CLTCL1: variants seen among roughly 807,000 people sequenced by gnomAD.
CLTCL1 encodes clathrin heavy chain like 1.
In CLTCL1, 159 loss-of-function variants were observed where a neutral mutation model predicts 190.0. The observed-to-expected ratio is 0.84, with a 90% CI of 0.74 to 0.95. CLTCL1 has a LOEUF of 0.95. CLTCL1 is among the 40% of genes least tolerant of loss of function. CLTCL1 has a pLI of 0.00. For missense variants in CLTCL1, 1,878 were observed against 2,033.4 expected (o/e 0.92, Z 1.47); for synonymous variants, 752 against 769.6 (o/e 0.98, Z 0.38).
intron 20 of CLTCL1, among the ~76,000 whole-genome samples, 162 bp downstream of exon 20, chr22:19,210,164 G>A (rs2073739): frequency 0.07 from 10,683 of 152,084 alleles, 474 homozygotes; most frequent in East Asian, 0.14. Flanking sequence ...GGGGCCAGCG[G>A]GCTGGGAAGA....
chr22:19,201,152 C>A (rs779729266), intron 23 of CLTCL1, among the ~76,000 whole-genome samples, 177 bp downstream of exon 23: 8 of 152,232 alleles, frequency 5.3e-5, no homozygotes, highest in Non-Finnish European at 1.2e-4. Flanking sequence ...ACATCAGATT[C>A]TCTGGGGCCT....
At chr22:19,230,850 T>A (rs2085897162) in intron 10 of CLTCL1, among the ~76,000 whole-genome samples, 1 of 152,138 alleles carries the variant, frequency 6.6e-6, no homozygotes, top group Non-Finnish European at 1.5e-5. Context: ...GAGACTGGCA[T>A]GTGAGTTGGG....
chr22:19,192,226 C>T (rs1236349039), intron 26 of CLTCL1, among the ~76,000 whole-genome samples: 3 of 152,066 alleles, frequency 2.0e-5, no homozygotes, highest in East Asian at 3.9e-4. Flanking sequence ...CCACCATGCC[C>T]GGCTAATTTT....
At chr22:19,184,725 T>G in intron 29 of CLTCL1, 1 of 362,166 alleles carries the variant, frequency 2.8e-6, no homozygotes, top group South Asian at 2.0e-5. Flanking sequence ...TCTGTGGGCC[T>G]TGGGGACTGT....
chr22:19,263,912 T>C (rs2087036836), intron 2 of CLTCL1, among the ~76,000 whole-genome samples: 1 of 152,192 alleles, frequency 6.6e-6, no homozygotes, highest in South Asian at 2.1e-4. Context: ...GGTATGCCTG[T>C]ATATGGAAAT....
intron 19 of CLTCL1, among the ~76,000 whole-genome samples, chr22:19,215,611 G>T (rs1433431083): frequency 1.3e-5 from 2 of 152,196 alleles, no homozygotes; most frequent in African/African-American, 4.8e-5. Context: ...CGGTCCATCG[G>T]AAGCACGCAC....
chr22:19,190,914 A>T (rs553941669), intron 27 of CLTCL1, among the ~76,000 whole-genome samples: 1 of 152,072 alleles, frequency 6.6e-6, no homozygotes, highest in East Asian at 1.9e-4. Context: ...AGCAGCTGGG[A>T]CTACAGGTGC....
intron 26 of CLTCL1, 27 bp downstream of exon 26, chr22:19,196,239 G>T: frequency 6.2e-7 from 1 of 1,605,304 alleles, no homozygotes; most frequent in Non-Finnish European, 8.5e-7. Context: ...AGGCTGGCAG[G>T]AGCCAGCGCT....
chr22:19,209,336 T>A (rs2085148288), intron 20 of CLTCL1: 2 of 454,220 alleles, frequency 4.4e-6, no homozygotes, highest in South Asian at 8.5e-5. Context: ...GACACTCCAA[T>A]AAAGAGGCAC....
At chr22:19,273,597 G>T (rs782355154) in intron 2 of CLTCL1, among the ~76,000 whole-genome samples, 12 of 152,048 alleles carry the variant, frequency 7.9e-5, no homozygotes, top group Non-Finnish European at 1.5e-4. Context: ...AGGTTACTGC[G>T]CAACTCACAA....
chr22:19,221,694 T>C, intron 16 of CLTCL1, 83 bp from the exon 17 acceptor site: 1 of 1,245,408 alleles, frequency 8.0e-7, no homozygotes. Context: ...GACAGATGTT[T>C]CCTGAAACAA....
intron 18 of CLTCL1, among the ~76,000 whole-genome samples, chr22:19,218,317 A>T (rs698422): frequency 0.62 from 94,195 of 152,056 alleles, 29,403 homozygotes; most frequent in South Asian, 0.75. Context: ...TGGATGTAGA[A>T]CCCTAGTAGA....
In CLTCL1 at chr22:19,234,517, C is replaced by G. The variant is rs1555960867; in HGVS notation, c.1159G>C (p.Ala387Pro). Residue 387 changes from alanine (A) to proline (P), a missense_variant, in exon 7 of 33, where the codon GCA (alanine) becomes CCA (proline). Coordinates refer to ENST00000427926, the MANE Select transcript of CLTCL1 (RefSeq NM_007098.4). Reference sequence around the variant, plus strand: ...TATTCAAGGTTTATCACCTTTGGTGCAGACGCTGCAACTTTGGCGGCTTCA... The same window carrying G: ...TATTCAAGGTTTATCACCTTTGGTGGAGACGCTGCAACTTTGGCGGCTTCA... Reference protein sequence around the residue: ...YAEAAKVAASAPKGILRTRET... With the variant: ...YAEAAKVAASPPKGILRTRET... 1 of 1,612,420 alleles carries G rather than the reference C, an allele frequency of 6.2e-7. No individual in the cohort carries two copies. The highest frequency in any genetic ancestry group is 1.3e-5 in the African/African-American group (1 of 75,026).
rs2084357484 is a variant in CLTCL1, at chr22:19,187,668, G to C, written c.4495C>G (p.Leu1499Val). 6.2e-7 allele frequency: 1 copy of C among 1,613,746 alleles called. No individual in the cohort carries two copies. Among genetic ancestry groups the C allele is most frequent in the South Asian group, 1.1e-5 (1 of 91,092 alleles). Residue 1499 changes from leucine (L) to valine (V), a missense_variant, in exon 29 of 33, where the codon CTG (leucine) becomes GTG (valine). Physicochemically the swap from Leu to Val is conservative, Grantham distance 32. Coordinates refer to ENST00000427926, the MANE Select transcript of CLTCL1 (RefSeq NM_007098.4). ...AACTCCATCAGCTGATGCTTCTCCA[G>C]CTGCTGAGCCAGGCTGATGTTGTCA... ...NFDNISLAQQ[L>V]EKHQLMEFRC...
chr22:19,182,989 C>G (rs566292698), intron 30 of CLTCL1: 1 of 254,800 alleles, frequency 3.9e-6, no homozygotes, highest in African/African-American at 2.2e-5. Flanking sequence ...TACCACCAAC[C>G]GTATGCTAAC....
At chr22:19,270,088 T>C (rs1168915375) in intron 2 of CLTCL1, among the ~76,000 whole-genome samples, 4 of 151,970 alleles carry the variant, frequency 2.6e-5, no homozygotes, top group Non-Finnish European at 4.4e-5. Flanking sequence ...AACTGGTGAA[T>C]GGAAAAACAA....
chr22:19,288,796 C>T lies in CLTCL1; in HGVS notation c.42+2804G>A, dbSNP rs2088002219. 2.0e-5 allele frequency among the ~76,000 whole-genome samples: 3 copies of T among 152,208 alleles called. No individual in the cohort carries two copies. In the South Asian group the frequency reaches 6.2e-4, roughly 31 times the overall value. ...AAAGCAGAGGGGCTCAAGACAGATTCCAAGCTCATGCACAAGAGCCGCCCA... is the reference window on the plus strand; with the variant it reads ...AAAGCAGAGGGGCTCAAGACAGATTTCAAGCTCATGCACAAGAGCCGCCCA... On this transcript the variant is annotated intron_variant, in intron 1 of 32. Coordinates refer to ENST00000427926, the MANE Select transcript of CLTCL1 (RefSeq NM_007098.4).
chr22:19,220,174 T>C (rs2085523679), intron 17 of CLTCL1, among the ~76,000 whole-genome samples, 167 bp from the exon 18 acceptor site: 1 of 151,908 alleles, frequency 6.6e-6, no homozygotes, highest in South Asian at 2.1e-4. Context: ...TCCTACAGGG[T>C]TAACGATGGA....
Position 19,201,440 on chromosome 22 carries a change from A to AT in CLTCL1, c.3653dup (p.Tyr1218Ter). The AT allele has an allele frequency of 6.2e-7, 1 of 1,613,926 alleles. No homozygotes were observed. The change falls in exon 23 of 33, where the codon TAT becomes TAAT. Residue 1218 changes from tyrosine (Y) to a stop codon, truncating the protein, a stop_gained and frameshift_variant. Transcript: ENST00000427926. LOFTEE classifies it high-confidence loss of function. ...EGMYEAAKLL[Y>*]SNVSNFARLA... ...GGCGGGCAAAGTTAGAAACATTGCTATAGAGCAGCTTGGCAGCCTCGTACA... is the reference window on the plus strand; with the variant it reads ...GGCGGGCAAAGTTAGAAACATTGCTATTAGAGCAGCTTGGCAGCCTCGTACA...
Sources: allele counts gnomAD v4.1 joint callset (sites outside exome capture counted in the v4.1 genomes callset), GRCh38; gene constraint gnomAD v4.1.1; transcripts MANE v1.5; gene names NCBI Gene and HGNC (gene_info 2026-07-23, HGNC 2026-07-21).